Variants in GMFB observed in about 807,000 individuals in gnomAD.
GMFB encodes the protein glia maturation factor beta, also known as GMF-beta.
A neutral mutation model predicts 25.6 loss-of-function variants in GMFB; 13 were observed. The ratio of observed to expected loss-of-function variants is 0.51; its 90% CI spans 0.33 to 0.81. GMFB has a LOEUF of 0.81. GMFB is among the 30% of genes least tolerant of loss of function. GMFB has a pLI of 0.02. For synonymous variants in GMFB, 57 were observed against 56.9 expected (o/e 1.00, Z 0.00); for missense variants, 146 against 175.4 (o/e 0.83, Z 0.95).
Position 54,488,966 on chromosome 14 carries a change from G to A in GMFB, c.-39C>T, listed in dbSNP as rs371255054. 1.3e-6 allele frequency: 2 copies of A among 1,544,464 alleles called. No homozygotes were observed. Among genetic ancestry groups the A allele is most frequent in the African/African-American group, 1.4e-5 (1 of 70,214 alleles). On this transcript the variant is annotated 5_prime_UTR_variant, in exon 1 of 7. Transcript: ENST00000358056. ...GTCAGCGGCCTGTCGCCTACACTCG[G>A]GCGCCTTTAAGAATGGCACGGCGGC... is the stretch of plus-strand genomic sequence containing the variant.
At chr14:54,488,540 C>T (rs926006181) in intron 1 of GMFB, 183 of 219,084 alleles carry the variant, frequency 8.4e-4, no homozygotes, top group African/African-American at 4.0e-3. Flanking sequence ...CTGGCCACGG[C>T]CCTGGCAGGG....
At position 54,477,745 on chromosome 14, in the gene GMFB, C is replaced by A. The variant is rs2031659184; in HGVS notation, c.*343G>T. 5.5e-6 allele frequency: 1 copy of A among 183,468 alleles called. No homozygotes were observed. The highest frequency in any genetic ancestry group is 1.1e-5 in the Non-Finnish European group (1 of 89,122). 11.4% of individuals were successfully genotyped at this position (183,468 alleles called of 1,614,324 possible). On this transcript the variant is annotated 3_prime_UTR_variant, in exon 7 of 7. Coordinates refer to ENST00000358056, the MANE Select transcript of GMFB (RefSeq NM_004124.3). ...TCCAGTATTTGTCAAAAGGAGGCAA[C>A]TGTTGTCTCTCACAATCTAATATAT...
chr14:54,485,591 C>G (rs1360230374), intron 1 of GMFB, among the ~76,000 whole-genome samples: 2 of 152,108 alleles, frequency 1.3e-5, no homozygotes, highest in Admixed American at 1.3e-4. Context: ...TCCATACTAA[C>G]CCAAAGTGAT....
chr14:54,488,597 T>C, intron 1 of GMFB: 1 of 327,586 alleles, frequency 3.1e-6, no homozygotes, highest in Non-Finnish European at 5.6e-6. Context: ...CCCCTTTCCC[T>C]CCAACCTACA....
At chr14:54,478,344 T>C (rs1272243374) in intron 6 of GMFB, 185 bp from the exon 7 acceptor site, 5 of 380,148 alleles carry the variant, frequency 1.3e-5, no homozygotes, top group Non-Finnish European at 1.9e-5. Flanking sequence ...AAATGAGATA[T>C]ACCTTTTAGG....
chr14:54,478,786 C>T (rs897778590), intron 6 of GMFB: 1 of 152,132 alleles, frequency 6.6e-6, no homozygotes, highest in Non-Finnish European at 1.5e-5. Context: ...AGTCATTCAT[C>T]CACTGGGTCT....
At chr14:54,487,194 G>A (rs1394642498) in intron 1 of GMFB, among the ~76,000 whole-genome samples, 1 of 152,036 alleles carries the variant, frequency 6.6e-6, no homozygotes, top group Non-Finnish European at 1.5e-5. Context: ...TCAGGAGATC[G>A]AGACCATCCT....
chr14:54,481,520 C>T, intron 3 of GMFB, 62 bp from the exon 4 acceptor site: 3 of 990,296 alleles, frequency 3.0e-6, no homozygotes, highest in Non-Finnish European at 4.9e-6. Flanking sequence ...TTAAGAGATA[C>T]ACCAAGCACC....
intron 5 of GMFB, 117 bp downstream of exon 5, chr14:54,480,757 C>T (rs1193849609): frequency 3.1e-6 from 2 of 637,806 alleles, no homozygotes; most frequent in African/African-American, 3.9e-5. Context: ...CACAGACCCT[C>T]CTCAATTTAG....
At chr14:54,488,490 G>A (rs1244583530) in intron 1 of GMFB, 4 of 173,440 alleles carry the variant, frequency 2.3e-5, no homozygotes, top group Non-Finnish European at 4.9e-5. Flanking sequence ...CCAAAACGCC[G>A]CCAGGTGGAA....
At chr14:54,487,905 G>A (rs2031810082) in intron 1 of GMFB, among the ~76,000 whole-genome samples, 1 of 152,210 alleles carries the variant, frequency 6.6e-6, no homozygotes. Context: ...AAGGAGAATA[G>A]TCTGAAAGGG....
In GMFB at chr14:54,477,785, T is replaced by C. The variant is rs1411948509; in HGVS notation, c.*303A>G. On this transcript the variant is annotated 3_prime_UTR_variant, in exon 7 of 7. Coordinates refer to ENST00000358056, the MANE Select transcript of GMFB (RefSeq NM_004124.3). Reference sequence around the variant, plus strand: ...ATCTAATATATCCACTTTCCAATGGTGTCTGTAAATAGTAACAAATTCCGA... The same window carrying C: ...ATCTAATATATCCACTTTCCAATGGCGTCTGTAAATAGTAACAAATTCCGA... 2 of 226,606 alleles carry C rather than the reference T, an allele frequency of 8.8e-6. No individual in the cohort carries two copies. Among genetic ancestry groups the C allele is most frequent in the African/African-American group, 4.5e-5 (2 of 44,136 alleles). 14.0% of individuals were successfully genotyped at this position (226,606 alleles called of 1,614,324 possible). A position where few individuals can be genotyped will look rare whatever the true frequency, so the allele number is the denominator to read the frequency against.
chr14:54,485,100 T>C (rs1187057543), intron 1 of GMFB, among the ~76,000 whole-genome samples: 1 of 152,042 alleles, frequency 6.6e-6, no homozygotes, highest in Non-Finnish European at 1.5e-5. Context: ...AAGCCTTTAC[T>C]CTAAGTTCTG....
chr14:54,488,220 T>C (rs2031815914), intron 1 of GMFB, among the ~76,000 whole-genome samples: 2 of 152,232 alleles, frequency 1.3e-5, no homozygotes, highest in South Asian at 2.1e-4. Flanking sequence ...TTGATGGCGA[T>C]TTATTTAATT....
chr14:54,482,002 A>G, intron 3 of GMFB, 151 bp downstream of exon 3: 1 of 600,066 alleles, frequency 1.7e-6, no homozygotes, highest in Non-Finnish European at 3.0e-6. Context: ...AATATCACAA[A>G]CTACACAATT....
At chr14:54,479,709 T>C in intron 6 of GMFB, 77 bp downstream of exon 6, 1 of 851,818 alleles carries the variant, frequency 1.2e-6, no homozygotes, top group Non-Finnish European at 2.0e-6. Context: ...AAAATACTCC[T>C]TTAGACTATT....
intron 1 of GMFB, among the ~76,000 whole-genome samples, chr14:54,487,939 G>A (rs1057413618): frequency 7.9e-5 from 12 of 152,236 alleles, no homozygotes; most frequent in African/African-American, 2.9e-4. Flanking sequence ...AATAGGAGAA[G>A]TAGGAGGAGC....
At chr14:54,483,037 C>CTA (rs1280422636) in intron 2 of GMFB, 2 of 152,206 alleles carry the variant, frequency 1.3e-5, no homozygotes, top group African/African-American at 4.8e-5. Context: ...AGCATGGTCT[C>CTA]TAGAGTTTTA....
Position 54,483,723 on chromosome 14 carries a change from T to C in GMFB, c.48A>G (p.Glu16=). 1 of 1,611,316 alleles carries C rather than the reference T, an allele frequency of 6.2e-7. No individual in the cohort carries two copies. The highest frequency in any genetic ancestry group is 1.7e-5 in the Admixed American group (1 of 59,980). Residue 16 remains glutamate (E), a synonymous_variant, in exon 2 of 7, where the codon GAA becomes GAG. Coordinates refer to ENST00000358056, the MANE Select transcript of GMFB (RefSeq NM_004124.3). ...TGCGAAAACGAAACTTTCTCAGCTT[T>C]TCCACTAAATCTTCGGCAACATCAC... ...VVCDVAEDLV[E]KLRKFRFRKE...
Sources: gnomAD v4.1 joint callset for allele counts (sites outside exome capture counted in the v4.1 genomes callset) on GRCh38, gnomAD v4.1.1 for gene constraint, MANE v1.5 for transcripts, NCBI Gene and HGNC (gene_info 2026-07-23, HGNC 2026-07-21) for gene names.